Variants in BNC1 observed in about 807,000 individuals in gnomAD.
The protein encoded by BNC1 is basonuclin zinc finger protein 1.
BNC1 carries 8 observed loss-of-function variants against 66.5 expected under a neutral mutation model. That is an observed-to-expected ratio of 0.12 (90% confidence interval 0.07 to 0.22). The LOEUF (loss-of-function observed/expected upper bound fraction) is 0.22. Among genes scored for constraint, BNC1 ranks in the 10% least tolerant of loss-of-function variants. The pLI is 1.00. For synonymous variants in BNC1, 454 were observed against 452.6 expected (o/e 1.00, Z -0.04); for missense variants, 1,069 against 1,241.3 (o/e 0.86, Z 2.09).
intron 1 of BNC1, among the ~76,000 whole-genome samples, chr15:83,271,989 T>C (rs559313213): frequency 6.6e-6 from 1 of 152,354 alleles, no homozygotes; most frequent in African/African-American, 2.4e-5. Flanking sequence ...ACGATTAACT[T>C]AGTTTGTAAT....
chr15:83,266,765 G>A (rs2038222053), intron 3 of BNC1, 71 bp downstream of exon 3: 1 of 1,358,180 alleles, frequency 7.4e-7, no homozygotes, highest in Non-Finnish European at 1.1e-6. Flanking sequence ...GGAGGTAACT[G>A]GGTTACGTCA....
chr15:83,276,458 G>A (rs1222577627), intron 1 of BNC1, among the ~76,000 whole-genome samples: 1 of 152,194 alleles, frequency 6.6e-6, no homozygotes, highest in African/African-American at 2.4e-5. Context: ...TGAGAGAACT[G>A]TACTATGCTT....
intron 1 of BNC1, among the ~76,000 whole-genome samples, chr15:83,280,335 A>T (rs550496685): frequency 1.3e-5 from 2 of 152,358 alleles, no homozygotes; most frequent in East Asian, 3.9e-4. Context: ...TTGCATGTAA[A>T]GGGAACTTTC....
rs750398451 is a variant in BNC1, at chr15:83,257,795, C to A, written c.2632G>T (p.Gly878Trp). 3 of 1,614,040 alleles carry A rather than the reference C, an allele frequency of 1.9e-6. No individual in the cohort carries two copies. Among genetic ancestry groups the A allele is most frequent in the Non-Finnish European group, 2.5e-6 (3 of 1,180,036 alleles). Residue 878 changes from glycine (G) to tryptophan (W), a missense_variant, in exon 5 of 5, where the codon GGG becomes TGG. Around this residue, in one of 7 missense-constraint regions of BNC1, gnomAD observed 657 missense variants for 715.8 expected, o/e 0.92. Transcript: ENST00000345382. ...AGCACAGTGCCTTCCTCACTCACCC[C>A]GTCAGAGTCCCAGGAAGAATGGCTG... ...SSSHSSWDSDGVSEEGTVLME... is the reference protein window; with the variant it reads ...SSSHSSWDSDWVSEEGTVLME...
intron 1 of BNC1, among the ~76,000 whole-genome samples, chr15:83,278,024 G>A (rs770852798): frequency 2.6e-5 from 4 of 151,860 alleles, no homozygotes; most frequent in Non-Finnish European, 5.9e-5. Context: ...AACCCACAGA[G>A]GTACAACTAG....
At chr15:83,283,548 G>A in intron 1 of BNC1, 1 of 979,406 alleles carries the variant, frequency 1.0e-6, no homozygotes, top group Non-Finnish European at 1.2e-6. Context: ...TCGGGGGCCG[G>A]GGGCTTCCCG....
chr15:83,269,148 C>A (rs150506964), intron 1 of BNC1, among the ~76,000 whole-genome samples: 139 of 152,230 alleles, frequency 9.1e-4, no homozygotes, highest in African/African-American at 3.2e-3. Context: ...CGCTTAAACC[C>A]GGGAGGCTGA....
At chr15:83,264,862 T>C in intron 3 of BNC1, 47 bp from the exon 4 acceptor site, 2 of 1,552,280 alleles carry the variant, frequency 1.3e-6, no homozygotes, top group African/African-American at 2.7e-5. Flanking sequence ...TACAACTCCT[T>C]ACCCTTTCCT....
At chr15:83,269,498 C>T (rs958426899) in intron 1 of BNC1, among the ~76,000 whole-genome samples, 1 of 151,970 alleles carries the variant, frequency 6.6e-6, no homozygotes, top group African/African-American at 2.4e-5. Flanking sequence ...GTTTAAACCT[C>T]TAATCTGCCA....
intron 4 of BNC1, among the ~76,000 whole-genome samples, chr15:83,258,928 G>A (rs1390182224): frequency 6.6e-6 from 1 of 152,198 alleles, no homozygotes; most frequent in Admixed American, 6.5e-5. Flanking sequence ...CTATTGGATA[G>A]CACTGGTCAA....
At chr15:83,262,819 G>A in intron 4 of BNC1, 132 bp downstream of exon 4, 1 of 959,572 alleles carries the variant, frequency 1.0e-6, no homozygotes, top group South Asian at 1.8e-5. Context: ...CCTCACCCTA[G>A]ATCTAATGAA....
chr15:83,267,483 G>T (rs781289791), intron 2 of BNC1, among the ~76,000 whole-genome samples: 32 of 152,212 alleles, frequency 2.1e-4, no homozygotes, highest in Admixed American at 5.2e-4. Flanking sequence ...TTTTCTAGTT[G>T]TGGGGCTTAA....
At position 83,263,052 on chromosome 15, in the gene BNC1, A is replaced by G. The variant is rs1432537596; in HGVS notation, c.2199T>C (p.Cys733=). 6.2e-7 allele frequency: 1 copy of G among 1,614,190 alleles called. No individual in the cohort carries two copies. ...DICKKTFKNA[C]SVKIHHKNMH... ...TATTCTTGTGATGAATTTTCACACT[A>G]CAAGCATTTTTAAAGGTCTTCTTGC... Residue 733 remains cysteine (C), a synonymous_variant, in exon 4 of 5, where the codon TGT becomes TGC. Transcript: ENST00000345382.
intron 1 of BNC1, among the ~76,000 whole-genome samples, chr15:83,280,153 A>C (rs2038363906): frequency 1.3e-5 from 2 of 152,214 alleles, no homozygotes; most frequent in South Asian, 4.1e-4. Flanking sequence ...TAGCTGAAAA[A>C]CATGCAAACA....
chr15:83,275,675 A>T (rs2038314094), intron 1 of BNC1, among the ~76,000 whole-genome samples: 1 of 152,028 alleles, frequency 6.6e-6, no homozygotes, highest in Non-Finnish European at 1.5e-5. Context: ...CTGGAGAGAG[A>T]GGAAGTATTT....
chr15:83,259,953 C>T (rs942906046), intron 4 of BNC1, among the ~76,000 whole-genome samples: 3 of 152,170 alleles, frequency 2.0e-5, no homozygotes, highest in African/African-American at 7.2e-5. Context: ...CATCTCTTCC[C>T]TTCAACCCTA....
rs1000105403 is a variant in BNC1, at chr15:83,284,521, C to A, written c.99+9G>T. 3.7e-5 allele frequency: 44 copies of A among 1,197,268 alleles called. No homozygotes were observed. The highest frequency in any genetic ancestry group is 8.2e-5 in the African/African-American group (5 of 60,798). 74.2% of individuals were successfully genotyped at this position (1,197,268 alleles called of 1,614,324 possible). A position where few individuals can be genotyped will look rare whatever the true frequency, so the allele number is the denominator to read the frequency against. ...GAATCCCCGCGCCCGCGGAGGGCGC[C>A]GCGCTTACCTCGGCCATCCTGCGAC... On this transcript the variant is annotated intron_variant, in intron 1 of 4. Coordinates refer to ENST00000345382, the MANE Select transcript of BNC1 (RefSeq NM_001717.4).
chr15:83,283,554 T>TC (rs1340269976), intron 1 of BNC1: 1 of 972,750 alleles, frequency 1.0e-6, no homozygotes. Context: ...GCCGGGGGCT[T>TC]CCCGTCCCGG....
intron 1 of BNC1, among the ~76,000 whole-genome samples, chr15:83,277,073 A>G (rs1595942210): frequency 6.6e-6 from 1 of 152,272 alleles, no homozygotes; most frequent in East Asian, 1.9e-4. Context: ...TTTACAATAA[A>G]AATGCTTCAG....
Sources: gnomAD v4.1 joint callset for allele counts (sites outside exome capture counted in the v4.1 genomes callset) on GRCh38, gnomAD v4.1.1 for gene constraint, gnomAD v4.1.1 regional missense constraint, MANE v1.5 for transcripts, NCBI Gene and HGNC (gene_info 2026-07-23, HGNC 2026-07-21) for gene names.